Variants in SCYL3 observed in about 807,000 individuals in gnomAD.
SCYL3 encodes protein-associating with the carboxyl-terminal domain of ezrin.
In SCYL3, 35 loss-of-function variants were observed where a neutral mutation model predicts 73.8. The observed-to-expected ratio is 0.47, with a 90% confidence interval of 0.36 to 0.63. The LOEUF is 0.63. Among genes scored for constraint, SCYL3 ranks in the 20% least tolerant of loss-of-function variants. The pLI, the probability that SCYL3 is intolerant of heterozygous loss-of-function variation, is 0.00. For synonymous variants in SCYL3, 277 were observed against 295.2 expected (o/e 0.94, Z 0.63); for missense variants, 712 against 798.9 (o/e 0.89, Z 1.31).
intron 2 of SCYL3, 83 bp downstream of exon 2, chr1:169,888,593 G>C: frequency 1.7e-6 from 2 of 1,151,548 alleles, no homozygotes; most frequent in Non-Finnish European, 2.5e-6. Context: ...TACCTCCTTT[G>C]AACTTTACTA....
At chr1:169,861,883 T>C (rs562564445) in intron 10 of SCYL3, among the ~76,000 whole-genome samples, 99 of 152,328 alleles carry the variant, frequency 6.5e-4, no homozygotes, top group African/African-American at 2.2e-3. Context: ...GACTGGTGTC[T>C]TTCTAAGAGG....
rs1236488897 is a variant in SCYL3 at position 169,878,632 on chromosome 1, A to C, written c.351+2T>G. ...GTGATGCAGACTATACAGGTTACTT[A>C]CTCTGTCATGAAGGAAGATAAGAGC... On this transcript the variant is annotated splice_donor_variant, in intron 3 of 12. Coordinates refer to ENST00000367771, the MANE Select transcript of SCYL3 (RefSeq NM_020423.7). LOFTEE classifies it high-confidence loss of function. 1 of 1,609,754 alleles carries C rather than the reference A, an allele frequency of 6.2e-7. No homozygotes were observed. Among genetic ancestry groups the C allele is most frequent in the East Asian group, 2.2e-5 (1 of 44,824 alleles).
intron 11 of SCYL3, 45 bp downstream of exon 11, chr1:169,858,996 T>G: frequency 6.4e-7 from 1 of 1,565,840 alleles, no homozygotes; most frequent in Non-Finnish European, 8.7e-7. Context: ...ACTAAAAATC[T>G]AAAAAAATGA....
At chr1:169,882,568 G>T (rs1470388898) in intron 2 of SCYL3, among the ~76,000 whole-genome samples, 1 of 152,218 alleles carries the variant, frequency 6.6e-6, no homozygotes, top group Non-Finnish European at 1.5e-5. Flanking sequence ...AAGCCAGCTG[G>T]GCTCCTGAGT....
intron 10 of SCYL3, among the ~76,000 whole-genome samples, chr1:169,861,147 T>C (rs1008552266): frequency 4.6e-5 from 7 of 152,206 alleles, no homozygotes; most frequent in Non-Finnish European, 8.8e-5. Flanking sequence ...TTGTAGTTAC[T>C]ACAACACAGA....
At chr1:169,887,848 A>T (rs1407859959) in intron 2 of SCYL3, among the ~76,000 whole-genome samples, 2 of 152,176 alleles carry the variant, frequency 1.3e-5, no homozygotes, top group African/African-American at 2.4e-5. Flanking sequence ...TAATCATTTT[A>T]AAAAAATAAA....
In SCYL3 at chr1:169,852,157, A is replaced by G. The variant is rs1471381906; in HGVS notation, c.*1556T>C. The G allele has an allele frequency of 1.6e-6, 1 of 606,706 alleles. No individual in the cohort carries two copies. Among genetic ancestry groups the G allele is most frequent in the African/African-American group, 1.9e-5 (1 of 53,906 alleles). The allele number at this position is 606,706 out of a possible 1,614,324, so 37.6% of individuals were successfully genotyped here. ...CTTTCAGTATGTTTGAATTATTGGT[A>G]GTAACCTTTAAGGGAAGTTACATAT... On this transcript the variant is annotated 3_prime_UTR_variant, in exon 13 of 13. Transcript: ENST00000367771.
At position 169,853,221 on chromosome 1, in the gene SCYL3, CAGAT is replaced by C. The variant is rs369846500; in HGVS notation, c.*488_*491del. On this transcript the variant is annotated 3_prime_UTR_variant, in exon 13 of 13. Coordinates refer to ENST00000367771, the MANE Select transcript of SCYL3 (RefSeq NM_020423.7). ...CTAGGTCCACAAAGAACCATTTACT[CAGAT>C]AGTCTAACTGTAAACAAATAAATAA... 26 of 534,002 alleles carry C rather than the reference CAGAT, an allele frequency of 4.9e-5. No homozygotes were observed. Among genetic ancestry groups the C allele is most frequent in the Non-Finnish European group, 7.3e-5 (22 of 301,440 alleles). 33.1% of individuals were successfully genotyped at this position (534,002 alleles called of 1,614,324 possible).
At chr1:169,888,551 G>A in intron 2 of SCYL3, 125 bp downstream of exon 2, 2 of 715,058 alleles carry the variant, frequency 2.8e-6, no homozygotes, top group Non-Finnish European at 4.5e-6. Context: ...TGTTTTGAAA[G>A]GACATAAATA....
chr1:169,889,501 A>G (rs1159430148), intron 1 of SCYL3, among the ~76,000 whole-genome samples: 1 of 152,180 alleles, frequency 6.6e-6, no homozygotes, highest in African/African-American at 2.4e-5. Flanking sequence ...GACGATAAAC[A>G]TAAGAAAAAG....
intron 4 of SCYL3, 114 bp from the exon 5 acceptor site, chr1:169,873,866 A>T (rs1328155265): frequency 1.5e-6 from 1 of 677,178 alleles, no homozygotes; most frequent in Non-Finnish European, 2.6e-6. Flanking sequence ...TTAAACCTTC[A>T]AATCAATGCC....
rs563838698 is a variant in SCYL3, at chr1:169,866,205, T to C, written c.815+691A>G. 1.4e-4 allele frequency among the ~76,000 whole-genome samples: 22 copies of C among 152,346 alleles called. No homozygotes were observed. In the South Asian group the frequency reaches 4.6e-3, roughly 32 times the overall value. On this transcript the variant is annotated intron_variant, in intron 8 of 12. Coordinates refer to ENST00000367771, the MANE Select transcript of SCYL3 (RefSeq NM_020423.7). ...TTCATTTGGTGATAATCACTAAGGC[T>C]TCTCAGCTTTATCTTTTTAAATGTT... is the stretch of plus-strand genomic sequence containing the variant.
At position 169,850,223 on chromosome 1, in the gene SCYL3, T is replaced by C; in HGVS notation, c.*3490A>G. ...CTCATCTATTTGTCTTTGCAAGTTGTTGAAATGTTAAAATTGGTCTTGTTC... is the reference window on the plus strand; with the variant it reads ...CTCATCTATTTGTCTTTGCAAGTTGCTGAAATGTTAAAATTGGTCTTGTTC... On this transcript the variant is annotated 3_prime_UTR_variant, in exon 13 of 13. Transcript: ENST00000367771. 7.5e-7 allele frequency: 1 copy of C among 1,341,200 alleles called. No individual in the cohort carries two copies. The highest frequency in any genetic ancestry group is 1.1e-6 in the Non-Finnish European group (1 of 942,898). The allele number at this position is 1,341,200 out of a possible 1,614,324, so 83.1% of individuals were successfully genotyped here.
intron 1 of SCYL3, among the ~76,000 whole-genome samples, chr1:169,890,424 G>A (rs1313203529): frequency 6.6e-6 from 1 of 152,066 alleles, no homozygotes; most frequent in African/African-American, 2.4e-5. Context: ...ATTCTATGTA[G>A]GCCTTTAAAA....
At chr1:169,873,380 C>A (rs1176694657) in intron 5 of SCYL3, among the ~76,000 whole-genome samples, 1 of 152,142 alleles carries the variant, frequency 6.6e-6, no homozygotes, top group African/African-American at 2.4e-5. Context: ...TGTAAATTGC[C>A]CAGTCGCAGG....
chr1:169,864,257 G>T, intron 9 of SCYL3, 112 bp downstream of exon 9: 1 of 1,418,738 alleles, frequency 7.0e-7, no homozygotes, highest in Non-Finnish European at 9.8e-7. Flanking sequence ...ATTGTTCTCC[G>T]TTTTTAGAAC....
chr1:169,875,605 C>T (rs1431312153), intron 4 of SCYL3, among the ~76,000 whole-genome samples: 1 of 152,150 alleles, frequency 6.6e-6, no homozygotes. Flanking sequence ...GAGACTCACA[C>T]CCTTAAGAGC....
chr1:169,889,435 A>C (rs1269003397), intron 1 of SCYL3, among the ~76,000 whole-genome samples: 1 of 152,202 alleles, frequency 6.6e-6, no homozygotes, highest in African/African-American at 2.4e-5. Context: ...TAAAACACTA[A>C]AACACCAGTA....
intron 11 of SCYL3, 25 bp downstream of exon 11, chr1:169,859,016 A>T (rs772530783): frequency 6.2e-7 from 1 of 1,606,100 alleles, no homozygotes; most frequent in Non-Finnish European, 8.5e-7. Context: ...ACACACAAAA[A>T]GTTAGACCTT....
Sources: allele counts gnomAD v4.1 joint callset (sites outside exome capture counted in the v4.1 genomes callset), GRCh38; gene constraint gnomAD v4.1.1; transcripts MANE v1.5; gene names NCBI Gene and HGNC (gene_info 2026-07-23, HGNC 2026-07-21).